Variants in WFDC1 observed in about 807,000 individuals in gnomAD.
WFDC1 encodes the protein WAP four-disulfide core domain protein 1.
A neutral mutation model predicts 32.9 loss-of-function variants in WFDC1; 39 were observed. The observed-to-expected ratio is 1.19, with a 90% confidence interval of 0.92 to 1.55. The LOEUF (loss-of-function observed/expected upper bound fraction) is 1.55, where lower values mean the gene tolerates loss of function less well. WFDC1 is among the 40% of genes most tolerant of loss of function. The probability of loss-of-function intolerance (pLI) is 0.00; values close to 1 mark genes in which losing one functional copy is unlikely to be tolerated. For missense variants in WFDC1, 386 were observed against 309.5 expected (o/e 1.25, Z -1.85); for synonymous variants, 184 against 137.4 (o/e 1.34, Z -2.37).
At chr16:84,295,166 G>C in intron 1 of WFDC1, 51 bp downstream of exon 1, 2 of 1,597,712 alleles carry the variant, frequency 1.3e-6, no homozygotes, top group Non-Finnish European at 1.7e-6. Flanking sequence ...GTGGGAGTCA[G>C]CCTTGAGGAG....
chr16:84,303,701 C>G (rs1303531134), intron 1 of WFDC1, among the ~76,000 whole-genome samples: 1 of 152,188 alleles, frequency 6.6e-6, no homozygotes. Flanking sequence ...ACAATTCACC[C>G]TTTCAAAGGT....
intron 1 of WFDC1, among the ~76,000 whole-genome samples, chr16:84,311,311 C>G (rs948745445): frequency 1.3e-5 from 2 of 149,972 alleles, no homozygotes; most frequent in Admixed American, 6.7e-5. Flanking sequence ...ATGGCTCGAT[C>G]TTGGCTCACT....
At chr16:84,314,205 C>T (rs888391508) in intron 2 of WFDC1, among the ~76,000 whole-genome samples, 25 of 152,146 alleles carry the variant, frequency 1.6e-4, no homozygotes, top group African/African-American at 5.8e-4. Flanking sequence ...AGGGATTCAT[C>T]ATTGGCAGGA....
At chr16:84,295,619 C>G (rs1051444258) in intron 1 of WFDC1, 5 of 160,124 alleles carry the variant, frequency 3.1e-5, no homozygotes, top group African/African-American at 9.6e-5. Flanking sequence ...GTACCAGCCC[C>G]CATCCTCAAG....
Position 84,297,645 on chromosome 16 carries a change from A to AC in WFDC1, c.144+2530_144+2531insC, listed in dbSNP as rs572290089. Among the ~76,000 whole-genome samples the AC allele has an allele frequency of 1.0e-3, 137 of 136,174 alleles. No individual in the cohort carries two copies. The Middle Eastern group carries it at 0.016, about 16-fold the overall frequency. The allele number at this position is 136,174 out of a possible 152,430, so 89.3% of individuals were successfully genotyped here. A position where few individuals can be genotyped will look rare whatever the true frequency, so the allele number is the denominator to read the frequency against. On this transcript the variant is annotated intron_variant, in intron 1 of 6. Transcript: ENST00000219454. The stretch of plus-strand genomic sequence containing the variant: ...AAAAAAAAAAAAAAAAAAAAAAAAA[A>AC]AACTGTGCCTCAGAGAAAGCCCTGG...
intron 1 of WFDC1, among the ~76,000 whole-genome samples, chr16:84,308,763 C>A (rs1444967831): frequency 6.6e-6 from 1 of 151,986 alleles, no homozygotes; most frequent in African/African-American, 2.4e-5. Context: ...GTGTAGATGC[C>A]AGCCTGGGTG....
At chr16:84,312,013 A>G (rs1390492167) in intron 1 of WFDC1, among the ~76,000 whole-genome samples, 1 of 152,014 alleles carries the variant, frequency 6.6e-6, no homozygotes, top group African/African-American at 2.4e-5. Flanking sequence ...TAAAAATACA[A>G]AATTAGCCGG....
chr16:84,318,430 C>T, intron 3 of WFDC1, 75 bp downstream of exon 3: 1 of 1,453,440 alleles, frequency 6.9e-7, no homozygotes. Flanking sequence ...AGAAAGCTGG[C>T]AGCACCAGGC....
Position 84,310,291 on chromosome 16 carries a change from C to T in WFDC1, c.145-2670C>T, listed in dbSNP as rs796508999. ...CAGCCTTGAGCGCTGATTTGAGTCT[C>T]GGGGAATGGTCCCTCTGGAAGACCT... On this transcript the variant is annotated intron_variant, in intron 1 of 6. Coordinates refer to ENST00000219454, the MANE Select transcript of WFDC1 (RefSeq NM_021197.4). 1.4e-4 allele frequency among the ~76,000 whole-genome samples: 21 copies of T among 152,090 alleles called. 1 individual carries two copies. The highest frequency in any genetic ancestry group is 4.6e-4 in the African/African-American group (19 of 41,492).
intron 4 of WFDC1, among the ~76,000 whole-genome samples, chr16:84,320,789 C>G (rs926321472): frequency 2.0e-5 from 3 of 152,128 alleles, no homozygotes; most frequent in Non-Finnish European, 4.4e-5. Context: ...GGACAGGACC[C>G]TCAGACAAGA....
In WFDC1 at chr16:84,324,428, T is replaced by A. The variant is rs769691139; in HGVS notation, c.572T>A (p.Ile191Asn). 1 of 1,613,844 alleles carries A rather than the reference T, an allele frequency of 6.2e-7. No individual in the cohort carries two copies. The highest frequency in any genetic ancestry group is 2.2e-5 in the East Asian group (1 of 44,878). The change falls in exon 5 of 7, where the codon ATC (isoleucine) becomes AAC (asparagine). Residue 191 changes from isoleucine to asparagine, a missense_variant. Coordinates refer to ENST00000219454, the MANE Select transcript of WFDC1 (RefSeq NM_021197.4). ...VKQRRQADGR[I>N]LRHKLYKEYP... ...CTCACTTGTTTTCCAGATGGGCGAA[T>A]CCTACGACACAAACTTTACAAAGAA...
chr16:84,326,989 G>A lies in WFDC1; in HGVS notation c.*15+34G>A, dbSNP rs770411303. The A allele has an allele frequency of 1.9e-5, 30 of 1,607,730 alleles. No homozygotes were observed. In the African/African-American group the frequency reaches 3.7e-4, roughly 20 times the overall value. On this transcript the variant is annotated intron_variant, in intron 6 of 6. Transcript: ENST00000219454. The stretch of plus-strand genomic sequence containing the variant: ...GCAGAGAGCAAGAGTCATGGCCAGG[G>A]TAAATGTGGGCAGCCAGTGTCCTGG...
At chr16:84,299,135 C>G (rs1906781757) in intron 1 of WFDC1, among the ~76,000 whole-genome samples, 1 of 152,064 alleles carries the variant, frequency 6.6e-6, no homozygotes, top group South Asian at 2.1e-4. Context: ...CCAAGGCAGG[C>G]AGATCTCCTG....
Position 84,319,529 on chromosome 16 carries a change from A to G in WFDC1, c.520A>G (p.Ile174Val), listed in dbSNP as rs1434328064. ...GAGCCCAGGTGACGTGGCCGAAGGT[A>G]TCCCCAACCGTGGGCAGTGCGTCAA... is the stretch of plus-strand genomic sequence containing the variant. ...ILSPGDVAEG[I>V]PNRGQCVKQR... Residue 174 changes from isoleucine to valine, a missense_variant, in exon 4 of 7, where the codon ATC becomes GTC. By Grantham distance (29) the Ile-to-Val change is conservative (BLOSUM62 3). Transcript: ENST00000219454. 1.9e-6 allele frequency: 3 copies of G among 1,613,022 alleles called. No homozygotes were observed. The highest frequency in any genetic ancestry group is 1.7e-5 in the Admixed American group (1 of 59,996).
At chr16:84,299,326 T>C (rs1311561498) in intron 1 of WFDC1, among the ~76,000 whole-genome samples, 6 of 151,896 alleles carry the variant, frequency 4.0e-5, no homozygotes, top group African/African-American at 1.4e-4. Flanking sequence ...GATCGTGCCA[T>C]TGGATTCCAG....
At chr16:84,299,320 G>A (rs1003979428) in intron 1 of WFDC1, among the ~76,000 whole-genome samples, 19 of 151,882 alleles carry the variant, frequency 1.3e-4, no homozygotes, top group African/African-American at 3.4e-4. Flanking sequence ...AGCCGAGATC[G>A]TGCCATTGGA....
rs963534062 is a variant in WFDC1, at chr16:84,319,956, A to T, written c.562+385A>T. On this transcript the variant is annotated intron_variant, in intron 4 of 6. Coordinates refer to ENST00000219454, the MANE Select transcript of WFDC1 (RefSeq NM_021197.4). ...CAGAGCAGTCGGAGCAGCCCTAAGG[A>T]ATAGTAGGTGGTCAGTAAGCACTGG... Among the ~76,000 whole-genome samples the T allele has an allele frequency of 2.0e-5, 3 of 152,180 alleles. No individual in the cohort carries two copies. In the East Asian group the frequency reaches 5.8e-4, roughly 29 times the overall value.
intron 1 of WFDC1, among the ~76,000 whole-genome samples, chr16:84,300,450 C>T (rs1415806537): frequency 6.6e-6 from 1 of 152,246 alleles, no homozygotes; most frequent in African/African-American, 2.4e-5. Context: ...CCAGCTGGGG[C>T]TTCCTGGGAT....
chr16:84,305,128 A>G (rs1486080118), intron 1 of WFDC1, among the ~76,000 whole-genome samples: 2 of 152,218 alleles, frequency 1.3e-5, no homozygotes, highest in African/African-American at 2.4e-5. Context: ...CAGCAGCCCC[A>G]GAGGGTGATA....
Sources: allele counts gnomAD v4.1 joint callset (sites outside exome capture counted in the v4.1 genomes callset), GRCh38; gene constraint gnomAD v4.1.1; transcripts MANE v1.5; gene names NCBI Gene and HGNC (gene_info 2026-07-23, HGNC 2026-07-21).